Variants in LRP2BP observed in about 807,000 individuals in gnomAD.
The protein encoded by LRP2BP is LRP2 binding protein.
A neutral mutation model predicts 45.2 loss-of-function variants in LRP2BP; 38 were observed. That is an observed-to-expected ratio of 0.84 (90% CI 0.65 to 1.10). The LOEUF is 1.10. Among genes scored for constraint, LRP2BP ranks in the 50% least tolerant of loss-of-function variants. The pLI is 0.00. For synonymous variants in LRP2BP, 153 were observed against 153.9 expected (o/e 0.99, Z 0.04); for missense variants, 385 against 418.9 (o/e 0.92, Z 0.71).
intron 1 of LRP2BP, chr4:185,378,482 A>G (rs1273746260): frequency 4.4e-6 from 5 of 1,148,996 alleles, no homozygotes; most frequent in Middle Eastern, 3.8e-4. Context: ...ATGGGTTTAT[A>G]CATCAAGATG....
chr4:185,368,057 G>A (rs2095396844), intron 8 of LRP2BP, among the ~76,000 whole-genome samples: 1 of 152,026 alleles, frequency 6.6e-6, no homozygotes, highest in South Asian at 2.1e-4. Flanking sequence ...GGGCGCCTGT[G>A]GTGCCAGCTA....
intron 1 of LRP2BP, among the ~76,000 whole-genome samples, chr4:185,379,820 C>G (rs78254002): frequency 2.7e-5 from 4 of 147,634 alleles, no homozygotes; most frequent in African/African-American, 1.0e-4. Context: ...ACTTCTCTCT[C>G]TCTCTCTCTC....
chr4:185,396,707 C>G (rs1000933647), upstream of LRP2BP: 74 of 579,982 alleles, frequency 1.3e-4, no homozygotes, highest in Non-Finnish European at 1.9e-4. Context: ...TACGTGCGGC[C>G]GTGGCGGGGC....
At chr4:185,377,940 G>A in intron 2 of LRP2BP, 141 bp downstream of exon 2, 1 of 662,452 alleles carries the variant, frequency 1.5e-6, no homozygotes, top group African/African-American at 1.8e-5. Flanking sequence ...ACAGATTCTT[G>A]CGGGAAAACT....
intron 8 of LRP2BP, among the ~76,000 whole-genome samples, chr4:185,367,986 C>T (rs931534131): frequency 4.6e-5 from 7 of 151,956 alleles, no homozygotes; most frequent in Non-Finnish European, 7.4e-5. Context: ...GAGACCATCC[C>T]GGCTAACACA....
At position 185,394,698 on chromosome 4, in the gene LRP2BP, C is replaced by T. The variant is rs908789956; in HGVS notation, c.-22+81G>A. 9.5e-5 allele frequency: 88 copies of T among 925,830 alleles called. No individual in the cohort carries two copies. The African/African-American group carries it at 1.5e-3, about 16-fold the overall frequency. 57.4% of individuals were successfully genotyped at this position (925,830 alleles called of 1,614,324 possible). On this transcript the variant is annotated intron_variant, in intron 1 of 8. Coordinates refer to ENST00000505916, the MANE Select transcript of LRP2BP (RefSeq NM_001377440.1). ...AGATATTTTACACTTCTTAGAAATA[C>T]TCTTCCCTTCCTGGACTCCTTAGCA...
At position 185,395,805 on chromosome 4, in the gene LRP2BP, C is replaced by A. The variant is rs1321338456; in HGVS notation, c.-1048G>T. On this transcript the variant is annotated 5_prime_UTR_variant, in exon 1 of 9. Coordinates refer to ENST00000505916, the MANE Select transcript of LRP2BP (RefSeq NM_001377440.1). ...AGCATAACAATAAACGTATTTATTTCTCCGAGCTTTCAAAGGCATCAACAG... is the reference window on the plus strand; with the variant it reads ...AGCATAACAATAAACGTATTTATTTATCCGAGCTTTCAAAGGCATCAACAG... The A allele has an allele frequency of 2.0e-6, 2 of 985,228 alleles. No individual in the cohort carries two copies. Among genetic ancestry groups the A allele is most frequent in the Non-Finnish European group, 2.4e-6 (2 of 829,888 alleles). The allele number at this position is 985,228 out of a possible 1,614,324, so 61.0% of individuals were successfully genotyped here. A position where few individuals can be genotyped will look rare whatever the true frequency, so the allele number is the denominator to read the frequency against.
rs954741030 is a variant in LRP2BP, at chr4:185,363,980, T to C, written c.*3200A>G. On this transcript the variant is annotated 3_prime_UTR_variant, in exon 9 of 9. Coordinates refer to ENST00000505916, the MANE Select transcript of LRP2BP (RefSeq NM_001377440.1). The surrounding 1 kb of genome is among the most constrained non-coding windows in gnomAD (Gnocchi z 4.2). ...TATAAAAATGAATCACAGTGCTCTA[T>C]GATATTTAAGATACTTATATCTCAA... is the stretch of plus-strand genomic sequence containing the variant. The C allele has an allele frequency of 6.5e-6, 1 of 153,358 alleles. No homozygotes were observed. Among genetic ancestry groups the C allele is most frequent in the East Asian group, 1.9e-4 (1 of 5,228 alleles). 9.5% of individuals were successfully genotyped at this position (153,358 alleles called of 1,614,324 possible).
intron 2 of LRP2BP, 113 bp from the exon 3 acceptor site, chr4:185,377,131 G>T: frequency 1.3e-6 from 1 of 782,156 alleles, no homozygotes; most frequent in Non-Finnish European, 2.2e-6. Flanking sequence ...GCTTTCTAGT[G>T]CTCATTCCTA....
chr4:185,391,712 T>C (rs1173592989), intron 1 of LRP2BP, among the ~76,000 whole-genome samples: 1 of 152,158 alleles, frequency 6.6e-6, no homozygotes, highest in African/African-American at 2.4e-5. Flanking sequence ...CACGATGCTC[T>C]AGGCTCATCT....
At position 185,374,524 on chromosome 4, in the gene LRP2BP, C is replaced by T. The variant is rs929095779; in HGVS notation, c.331-63G>A. On this transcript the variant is annotated intron_variant, in intron 4 of 8. Transcript: ENST00000505916. Reference sequence around the variant, plus strand: ...AGTTTTACCCAAACTGAATTTCTTTCTCCCAATAAGGCTGTGAAGTGTCCG... The same window carrying T: ...AGTTTTACCCAAACTGAATTTCTTTTTCCCAATAAGGCTGTGAAGTGTCCG... 1.5e-5 allele frequency: 23 copies of T among 1,570,496 alleles called. No individual in the cohort carries two copies. The African/African-American group carries it at 2.0e-4, about 14-fold the overall frequency.
At chr4:185,374,956 C>T (rs921427688) in intron 4 of LRP2BP, among the ~76,000 whole-genome samples, 4 of 152,028 alleles carry the variant, frequency 2.6e-5, no homozygotes, top group South Asian at 2.1e-4. Context: ...AAATCTTATG[C>T]ACTAATACGA....
At chr4:185,386,447 T>C (rs578116827) in intron 1 of LRP2BP, among the ~76,000 whole-genome samples, 149 of 152,326 alleles carry the variant, frequency 9.8e-4, no homozygotes, top group African/African-American at 3.5e-3. Flanking sequence ...TATTAACATT[T>C]TAAATACTAA....
chr4:185,385,125 A>C (rs1454388208), intron 1 of LRP2BP, among the ~76,000 whole-genome samples: 2 of 152,100 alleles, frequency 1.3e-5, no homozygotes, highest in Non-Finnish European at 2.9e-5. Context: ...CTGATTTACC[A>C]TGTATTCTGT....
At position 185,390,934 on chromosome 4, in the gene LRP2BP, G is replaced by A. The variant is rs534125264; in HGVS notation, c.-22+3845C>T. 1.2e-4 allele frequency: 18 copies of A among 152,226 alleles called. No homozygotes were observed. The South Asian group carries it at 3.7e-3, about 32-fold the overall frequency. The allele number at this position is 152,226 out of a possible 1,614,324, so 9.4% of individuals were successfully genotyped here. On this transcript the variant is annotated intron_variant, in intron 1 of 8. Coordinates refer to ENST00000505916, the MANE Select transcript of LRP2BP (RefSeq NM_001377440.1). ...TTGCCACAACTAGGAAACCAACATTGGTTCGTGAAAATTACCTAAAACTCT... is the reference window on the plus strand; with the variant it reads ...TTGCCACAACTAGGAAACCAACATTAGTTCGTGAAAATTACCTAAAACTCT...
At chr4:185,368,501 T>G (rs77452856) in intron 8 of LRP2BP, among the ~76,000 whole-genome samples, 4,347 of 152,276 alleles carry the variant, frequency 0.029, 90 homozygotes, top group South Asian at 0.062. Context: ...TGCGGGACAC[T>G]GCCGGTCCAG....
rs1472051326 is a variant in LRP2BP, at chr4:185,374,188, G to C, written c.526C>G (p.Gln176Glu). 1.9e-6 allele frequency: 3 copies of C among 1,614,076 alleles called. No individual in the cohort carries two copies. The highest frequency in any genetic ancestry group is 2.5e-6 in the Non-Finnish European group (3 of 1,180,022). The change falls in exon 6 of 9, where the codon CAA becomes GAA. Residue 176 changes from glutamine to glutamate, a missense_variant. Coordinates refer to ENST00000505916, the MANE Select transcript of LRP2BP (RefSeq NM_001377440.1). ...NGNPKASVKA[Q>E]SMLGLYYSTK... ...GAGTAATACAGCCCGAGCATACTTT[G>C]AGCCTTCACACTAGCTTTGGGATTT...
At chr4:185,368,958 T>C (rs957374525) in intron 8 of LRP2BP, among the ~76,000 whole-genome samples, 5 of 151,812 alleles carry the variant, frequency 3.3e-5, no homozygotes, top group African/African-American at 1.2e-4. Context: ...CATGATGGGC[T>C]AATTTTTGTA....
At chr4:185,396,455 G>GC (rs1380143755), upstream of LRP2BP, 1 of 159,048 alleles carries the variant, frequency 6.3e-6, no homozygotes, top group East Asian at 1.9e-4. Flanking sequence ...GCACTACCGG[G>GC]AGACGTGTCA....
Sources: gnomAD v4.1 joint callset for allele counts (sites outside exome capture counted in the v4.1 genomes callset) on GRCh38, gnomAD v4.1.1 for gene constraint, Gnocchi (gnomAD v3.1) non-coding constraint, MANE v1.5 for transcripts, NCBI Gene and HGNC (gene_info 2026-07-23, HGNC 2026-07-21) for gene names.